The following NEK7 variants were observed in gnomAD, a reference collection of about 807,000 sequenced individuals.
NEK7 encodes NIMA related kinase 7.
In NEK7, 18 loss-of-function variants were observed where a neutral mutation model predicts 44.6. The ratio of observed to expected loss-of-function variants is 0.40; its 90% CI spans 0.28 to 0.60. NEK7 has a LOEUF of 0.60. Ranked by LOEUF, NEK7 falls within the 20% of genes least tolerant of loss-of-function variation. NEK7 has a pLI of 0.38. For missense variants in NEK7, 256 were observed against 366.5 expected (o/e 0.70, Z 2.46); for synonymous variants, 130 against 121.1 (o/e 1.07, Z -0.48).
At chr1:198,288,059 A>C (rs1213725364) in intron 7 of NEK7, among the ~76,000 whole-genome samples, 1 of 152,164 alleles carries the variant, frequency 6.6e-6, no homozygotes, top group Non-Finnish European at 1.5e-5. Flanking sequence ...GCATTAAAAC[A>C]GTTTCATTTT....
intron 1 of NEK7, among the ~76,000 whole-genome samples, chr1:198,216,453 T>C (rs191113851): frequency 7.9e-5 from 12 of 152,168 alleles, no homozygotes; most frequent in African/African-American, 2.9e-4. Context: ...GGAAAGTTTA[T>C]AGCGCTAAAT....
intron 7 of NEK7, among the ~76,000 whole-genome samples, chr1:198,288,298 T>C (rs925074027): frequency 6.6e-6 from 1 of 152,220 alleles, no homozygotes; most frequent in Non-Finnish European, 1.5e-5. Flanking sequence ...TTTTAAACGG[T>C]GTACCTTTAA....
At chr1:198,189,762 T>G (rs2102764102) in intron 1 of NEK7, among the ~76,000 whole-genome samples, 1 of 152,294 alleles carries the variant, frequency 6.6e-6, no homozygotes, top group South Asian at 2.1e-4. Context: ...AAACTCAGAA[T>G]AGCTACCAAG....
Position 198,218,868 on chromosome 1 carries a change from C to A in NEK7, c.-28-13685C>A, listed in dbSNP as rs551847753. On this transcript the variant is annotated intron_variant, in intron 1 of 9. Coordinates refer to ENST00000367385, the MANE Select transcript of NEK7 (RefSeq NM_133494.3). ...AAAACCACAATGAGATACCACCTTA[C>A]CCCAGCCAGAATGGCCCTTATTTAA... Among the ~76,000 whole-genome samples the A allele has an allele frequency of 4.6e-5, 7 of 152,098 alleles. No homozygotes were observed. In the South Asian group the frequency reaches 1.5e-3, roughly 32 times the overall value.
chr1:198,265,689 G>C (rs1034164361), intron 5 of NEK7, among the ~76,000 whole-genome samples: 1 of 152,088 alleles, frequency 6.6e-6, no homozygotes, highest in Admixed American at 6.6e-5. Context: ...TGTCACTAGA[G>C]GTAGCAGTCT....
intron 1 of NEK7, among the ~76,000 whole-genome samples, chr1:198,200,532 T>C (rs12757510): frequency 6.6e-6 from 1 of 151,860 alleles, no homozygotes; most frequent in Non-Finnish European, 1.5e-5. Flanking sequence ...CTGCTCTTTG[T>C]TGCTTTCTTT....
chr1:198,195,628 C>G (rs1200884176), intron 1 of NEK7, among the ~76,000 whole-genome samples: 1 of 152,170 alleles, frequency 6.6e-6, no homozygotes, highest in Non-Finnish European at 1.5e-5. Context: ...CGAGACCAGC[C>G]TGGCCAACAT....
chr1:198,317,618 T>C (rs998548763), intron 9 of NEK7, among the ~76,000 whole-genome samples: 2 of 152,204 alleles, frequency 1.3e-5, no homozygotes, highest in East Asian at 1.9e-4. Context: ...CTGAACCAGC[T>C]TGAAGGATGT....
chr1:198,246,472 G>A (rs1372139548), intron 2 of NEK7, among the ~76,000 whole-genome samples: 4 of 152,222 alleles, frequency 2.6e-5, no homozygotes, highest in Non-Finnish European at 4.4e-5. Flanking sequence ...TAATGCTCAG[G>A]CCATATCAAC....
intron 1 of NEK7, among the ~76,000 whole-genome samples, chr1:198,181,560 T>C (rs1419420445): frequency 6.6e-6 from 1 of 152,148 alleles, no homozygotes; most frequent in Non-Finnish European, 1.5e-5. Context: ...ACACAGAAAG[T>C]TATTGGTAAA....
chr1:198,274,761 C>G (rs1230430660), intron 5 of NEK7, among the ~76,000 whole-genome samples: 1 of 151,738 alleles, frequency 6.6e-6, no homozygotes, highest in African/African-American at 2.4e-5. Flanking sequence ...TAGATATTCA[C>G]TGTCCACTAT....
chr1:198,158,715 C>T (rs1281248556), intron 1 of NEK7, among the ~76,000 whole-genome samples: 1 of 152,210 alleles, frequency 6.6e-6, no homozygotes, highest in Non-Finnish European at 1.5e-5. Context: ...GTTTGTAACA[C>T]TTGGTGATGG....
At position 198,320,592 on chromosome 1, in the gene NEK7, A is replaced by G. The variant is rs1417356145; in HGVS notation, c.*1070A>G. On this transcript the variant is annotated 3_prime_UTR_variant, in exon 10 of 10. Coordinates refer to ENST00000367385, the MANE Select transcript of NEK7 (RefSeq NM_133494.3). ...TTTAAAAGATATTTGGTATACCAAT[A>G]CTTTTCCTGGATTGAAAACTTTTTT... The G allele has an allele frequency of 6.6e-6, 1 of 152,132 alleles. No individual in the cohort carries two copies. Among genetic ancestry groups the G allele is most frequent in the Admixed American group, 6.5e-5 (1 of 15,272 alleles). 9.4% of individuals were successfully genotyped at this position (152,132 alleles called of 1,614,324 possible).
intron 1 of NEK7, among the ~76,000 whole-genome samples, chr1:198,182,954 T>G (rs548185541): frequency 6.6e-6 from 1 of 152,300 alleles, no homozygotes; most frequent in South Asian, 2.1e-4. Context: ...GAAGGGGATG[T>G]CTCCTTTGGT....
chr1:198,288,932 A>G (rs34970238), intron 7 of NEK7, among the ~76,000 whole-genome samples: 21,805 of 152,174 alleles, frequency 0.14, 2,003 homozygotes, highest in South Asian at 0.26. Flanking sequence ...TTGCACTTCA[A>G]AGATGACAAA....
Position 198,309,564 on chromosome 1 carries a change from G to A in NEK7, c.799-9848G>A, listed in dbSNP as rs574294309. On this transcript the variant is annotated intron_variant, in intron 9 of 9. Coordinates refer to ENST00000367385, the MANE Select transcript of NEK7 (RefSeq NM_133494.3). ...TGCACCAGCTCGTCTTCTAGCATTA[G>A]GTATATCTCCCAATGCTATCCCTCC... Among the ~76,000 whole-genome samples the A allele has an allele frequency of 1.8e-3, 257 of 145,784 alleles. 1 individual carries two copies. The highest frequency in any genetic ancestry group is 7.0e-3 in the Middle Eastern group (2 of 284).
intron 1 of NEK7, among the ~76,000 whole-genome samples, chr1:198,175,150 C>T (rs938691261): frequency 1.3e-5 from 2 of 152,070 alleles, no homozygotes; most frequent in Non-Finnish European, 2.9e-5. Context: ...ATAATCAATG[C>T]ATAGAACAGT....
intron 2 of NEK7, among the ~76,000 whole-genome samples, chr1:198,245,931 T>G (rs1287539909): frequency 6.6e-6 from 1 of 152,212 alleles, no homozygotes; most frequent in Non-Finnish European, 1.5e-5. Flanking sequence ...AGTATTTTGC[T>G]GAGTTATTTT....
intron 2 of NEK7, among the ~76,000 whole-genome samples, chr1:198,238,509 A>G (rs1479082946): frequency 6.6e-6 from 1 of 152,174 alleles, no homozygotes; most frequent in Non-Finnish European, 1.5e-5. Context: ...TTCATTCTGG[A>G]CAGTAGTACT....
Sources: allele counts gnomAD v4.1 joint callset (sites outside exome capture counted in the v4.1 genomes callset), GRCh38; gene constraint gnomAD v4.1.1; transcripts MANE v1.5; gene names NCBI Gene and HGNC (gene_info 2026-07-23, HGNC 2026-07-21).